PRKACB: variants seen among roughly 807,000 people sequenced by gnomAD.
PRKACB encodes protein kinase cAMP-activated catalytic subunit beta.
In PRKACB, 16 loss-of-function variants were observed where a neutral mutation model predicts 51.4. The observed-to-expected ratio is 0.31, with a 90% CI of 0.21 to 0.47. The LOEUF (loss-of-function observed/expected upper bound fraction) is 0.47, where lower values mean the gene tolerates loss of function less well. Ranked by LOEUF, PRKACB falls within the 20% of genes least tolerant of loss-of-function variation. The probability of loss-of-function intolerance (pLI) is 1.00; values close to 1 mark genes in which losing one functional copy is unlikely to be tolerated. For synonymous variants in PRKACB, 147 were observed against 154.4 expected (o/e 0.95, Z 0.35); for missense variants, 309 against 464.5 (o/e 0.67, Z 3.08).
chr1:84,087,500 GTAGTATTTT>G (rs2100758845), intron 1 of PRKACB, among the ~76,000 whole-genome samples: 1 of 152,276 alleles, frequency 6.6e-6, no homozygotes, highest in African/African-American at 2.4e-5. Context: ...ACAAATTCAG[GTAGTATTTT>G]TAGCAATTTC....
intron 8 of PRKACB, among the ~76,000 whole-genome samples, chr1:84,210,049 A>G (rs895524804): frequency 6.6e-6 from 1 of 152,210 alleles, no homozygotes; most frequent in Non-Finnish European, 1.5e-5. Context: ...CTCCAGAGAC[A>G]TACTGACTCA....
At chr1:84,159,939 T>C (rs1558046423) in intron 1 of PRKACB, among the ~76,000 whole-genome samples, 1 of 152,168 alleles carries the variant, frequency 6.6e-6, no homozygotes, top group Non-Finnish European at 1.5e-5. Flanking sequence ...CACATGGTCA[T>C]TGTGTATGAT....
intron 9 of PRKACB, among the ~76,000 whole-genome samples, chr1:84,228,205 T>C (rs932879643): frequency 1.3e-5 from 2 of 152,234 alleles, no homozygotes; most frequent in Non-Finnish European, 2.9e-5. Context: ...CTTATAATAG[T>C]ATAGTCATAC....
intron 8 of PRKACB, among the ~76,000 whole-genome samples, chr1:84,213,336 C>T (rs368045938): frequency 6.6e-6 from 1 of 151,974 alleles, no homozygotes; most frequent in African/African-American, 2.4e-5. Context: ...TTTAGGTACC[C>T]ATATCAATGA....
At chr1:84,186,188 T>C (rs1665037462) in intron 5 of PRKACB, among the ~76,000 whole-genome samples, 2 of 147,870 alleles carry the variant, frequency 1.4e-5, no homozygotes, top group South Asian at 4.4e-4. Context: ...TTTCAGCAAC[T>C]AGACTTGTGG....
chr1:84,123,222 G>C (rs1210516215), intron 1 of PRKACB, among the ~76,000 whole-genome samples: 1 of 152,030 alleles, frequency 6.6e-6, no homozygotes, highest in Non-Finnish European at 1.5e-5. Context: ...TTTCTCCCAG[G>C]GTATGGAGTT....
chr1:84,220,218 A>G (rs1673496673), intron 9 of PRKACB, among the ~76,000 whole-genome samples: 1 of 151,992 alleles, frequency 6.6e-6, no homozygotes, highest in Non-Finnish European at 1.5e-5. Flanking sequence ...TTTTGTAGCT[A>G]TTATAAATGG....
intron 1 of PRKACB, among the ~76,000 whole-genome samples, chr1:84,108,782 T>G (rs1649986933): frequency 6.6e-6 from 1 of 152,054 alleles, no homozygotes; most frequent in Non-Finnish European, 1.5e-5. Flanking sequence ...ATATTATATA[T>G]TCTGACAAAA....
intron 2 of PRKACB, among the ~76,000 whole-genome samples, chr1:84,180,617 A>T (rs959377479): frequency 6.6e-6 from 1 of 152,060 alleles, no homozygotes. Context: ...TTAAATTTTG[A>T]AAGTCTTTTC....
chr1:84,130,189 C>CAAAAAAAA lies in PRKACB; in HGVS notation c.47-48970_47-48963dup, dbSNP rs71097833. Among the ~76,000 whole-genome samples the CAAAAAAAA allele has an allele frequency of 2.4e-3, 137 of 56,174 alleles. 5 individuals are homozygous for CAAAAAAAA. Among genetic ancestry groups the CAAAAAAAA allele is most frequent in the African/African-American group, 9.5e-3 (132 of 13,910 alleles). 36.9% of individuals were successfully genotyped at this position (56,174 alleles called of 152,430 possible). On this transcript the variant is annotated intron_variant, in intron 1 of 8. Transcript: ENST00000370688. ...TAGGCAACAGAGCGAGACTCCGTCT[C>CAAAAAAAA]AAAAAAAAAAAAAAAAAAAAAAAAA... is the stretch of plus-strand genomic sequence containing the variant.
At chr1:84,211,007 A>C (rs535846563) in intron 8 of PRKACB, among the ~76,000 whole-genome samples, 1 of 152,156 alleles carries the variant, frequency 6.6e-6, no homozygotes, top group South Asian at 2.1e-4. Context: ...AGTGTGGGCT[A>C]CCTATGAGAA....
intron 1 of PRKACB, among the ~76,000 whole-genome samples, chr1:84,080,054 C>G (rs1166140979): frequency 1.3e-5 from 2 of 152,088 alleles, no homozygotes; most frequent in Non-Finnish European, 2.9e-5. Context: ...TTATTTTTAC[C>G]TGATATGTTG....
At chr1:84,204,949 T>G in intron 8 of PRKACB, 1 of 976,830 alleles carries the variant, frequency 1.0e-6, no homozygotes, top group Non-Finnish European at 1.2e-6. Flanking sequence ...TATCAAACTT[T>G]AAAATTTTGT....
At chr1:84,092,796 G>A (rs1648587013) in intron 1 of PRKACB, among the ~76,000 whole-genome samples, 1 of 150,794 alleles carries the variant, frequency 6.6e-6, no homozygotes, top group Non-Finnish European at 1.5e-5. Flanking sequence ...ACATTTCCTG[G>A]TTATAATTTG....
intron 1 of PRKACB, among the ~76,000 whole-genome samples, chr1:84,089,265 A>G (rs1364890036): frequency 1.3e-5 from 2 of 152,090 alleles, no homozygotes; most frequent in Admixed American, 1.3e-4. Flanking sequence ...TTTGTCAGTA[A>G]TGTATTGACT....
In PRKACB at chr1:84,179,573, G is replaced by A. The variant is rs189036879; in HGVS notation, c.249+335G>A. ...TAATTTTTATTAATTACAAAAATAA[G>A]AGTCCTTACGTACAGTTTAAAATTC... On this transcript the variant is annotated intron_variant, in intron 2 of 9. Transcript: ENST00000370685. Among the ~76,000 whole-genome samples the A allele has an allele frequency of 2.9e-3, 435 of 151,566 alleles. 2 individuals are homozygous for A. Among genetic ancestry groups the A allele is most frequent in the Non-Finnish European group, 2.5e-3 (167 of 67,824 alleles).
chr1:84,092,321 A>T (rs1648542085), intron 1 of PRKACB, among the ~76,000 whole-genome samples: 1 of 152,164 alleles, frequency 6.6e-6, no homozygotes, highest in Non-Finnish European at 1.5e-5. Context: ...TGTATTTGTG[A>T]CACTTATCCA....
chr1:84,095,280 A>G (rs532007756), intron 1 of PRKACB, among the ~76,000 whole-genome samples: 16 of 145,542 alleles, frequency 1.1e-4, no homozygotes, highest in East Asian at 5.9e-4. Context: ...TCCTTCATGC[A>G]TTCTCTGGTC....
At chr1:84,208,390 A>G (rs1671660032) in intron 8 of PRKACB, among the ~76,000 whole-genome samples, 1 of 152,222 alleles carries the variant, frequency 6.6e-6, no homozygotes, top group African/African-American at 2.4e-5. Context: ...ATGTAATTTG[A>G]CAGTAGTTTA....
Sources: allele counts gnomAD v4.1 joint callset (sites outside exome capture counted in the v4.1 genomes callset), GRCh38; gene constraint gnomAD v4.1.1; transcripts MANE v1.5; gene names NCBI Gene and HGNC (gene_info 2026-07-23, HGNC 2026-07-21).